The following ABCA3 variants were observed in gnomAD, a reference collection of about 807,000 sequenced individuals.
The protein encoded by ABCA3 is phospholipid-transporting ATPase ABCA3.
Under a neutral mutation model 172.8 loss-of-function variants are expected in ABCA3, and 88 were observed. The observed-to-expected ratio is 0.51, with a 90% CI of 0.43 to 0.61. The LOEUF (loss-of-function observed/expected upper bound fraction) is 0.61, where lower values mean the gene tolerates loss of function less well. Among genes scored for constraint, ABCA3 ranks in the 20% least tolerant of loss-of-function variants. The pLI is 0.00. For missense variants in ABCA3, 2,164 were observed against 2,301.0 expected (o/e 0.94, Z 1.22); for synonymous variants, 1,066 against 983.8 (o/e 1.08, Z -1.56).
intron 28 of ABCA3, among the ~76,000 whole-genome samples, chr16:2,280,348 A>C (rs1448062470): frequency 2.0e-5 from 3 of 152,164 alleles, no homozygotes; most frequent in Non-Finnish European, 4.4e-5. Context: ...GCTTCCAGCC[A>C]TGGTACCATC....
chr16:2,305,880 T>TTTAATGGAGCTCGTG (rs1330499547), intron 11 of ABCA3, among the ~76,000 whole-genome samples: 1 of 152,122 alleles, frequency 6.6e-6, no homozygotes, highest in Non-Finnish European at 1.5e-5. Flanking sequence ...TAAAGCTCTC[T>TTTAATGGAGCTCGTG]TTAATGGAGC....
chr16:2,308,428 G>T (rs777945776), intron 11 of ABCA3, 22 bp downstream of exon 11: 12 of 1,613,852 alleles, frequency 7.4e-6, no homozygotes, highest in Non-Finnish European at 8.5e-6. Context: ...GAAAGAACAG[G>T]CTGGACAAGG....
At chr16:2,310,801 G>A (rs2093705533) in intron 10 of ABCA3, among the ~76,000 whole-genome samples, 1 of 152,058 alleles carries the variant, frequency 6.6e-6, no homozygotes, top group African/African-American at 2.4e-5. Flanking sequence ...GATTAGAGAT[G>A]TGAGTCACTT....
chr16:2,281,268 A>G lies in ABCA3; in HGVS notation c.4165-47T>C. 1 of 1,613,204 alleles carries G rather than the reference A, an allele frequency of 6.2e-7. No individual in the cohort carries two copies. The highest frequency in any genetic ancestry group is 8.5e-7 in the Non-Finnish European group (1 of 1,179,870). On this transcript the variant is annotated intron_variant, in intron 27 of 32. Coordinates refer to ENST00000301732, the MANE Select transcript of ABCA3 (RefSeq NM_001089.3). The surrounding 1 kb of genome is among the most constrained non-coding windows in gnomAD (Gnocchi z 4.7). ...CACGGAATGCGGAGGCCTGGACGCA[A>G]AGCAGAGCAGTCTGAGCCTCAGCGC...
rs749428001 is a variant in ABCA3, at chr16:2,277,596, C to G, written c.4983+1G>C. ...CAGTGGGGCCCCAGGGACTGCCTCA[C>G]CTTCGCCCAGCTGAGGTCACGGCCC... is the stretch of plus-strand genomic sequence containing the variant. On this transcript the variant is annotated splice_donor_variant, in intron 32 of 32. Coordinates refer to ENST00000301732, the MANE Select transcript of ABCA3 (RefSeq NM_001089.3). LOFTEE classifies it high-confidence loss of function. The surrounding 1 kb of genome is among the most constrained non-coding windows in gnomAD (Gnocchi z 5.3). The G allele has an allele frequency of 6.2e-7, 1 of 1,613,038 alleles. No homozygotes were observed. Among genetic ancestry groups the G allele is most frequent in the South Asian group, 1.1e-5 (1 of 91,068 alleles).
rs1040544649 is a variant in ABCA3 at position 2,327,408 on chromosome 16, G to T, written c.-26-916C>A. Among the ~76,000 whole-genome samples, 41 of 152,188 alleles carry T rather than the reference G, an allele frequency of 2.7e-4. 1 individual carries two copies. The highest frequency in any genetic ancestry group is 5.1e-4 in the Non-Finnish European group (35 of 68,028). ...TGCTATTTATTACCAAAATATTCAG[G>T]CTTATGGAATTCCACTTACTGACTG... On this transcript the variant is annotated intron_variant, in intron 3 of 32. Transcript: ENST00000301732.
intron 10 of ABCA3, among the ~76,000 whole-genome samples, chr16:2,310,143 T>C (rs1364201743): frequency 6.6e-6 from 1 of 151,978 alleles, no homozygotes; most frequent in Admixed American, 6.6e-5. Context: ...TGGTGGCTCA[T>C]GCCTGTAATC....
At position 2,285,920 on chromosome 16, in the gene ABCA3, C is replaced by T. The variant is rs1227795570; in HGVS notation, c.3279-274G>A. ...CAGCCCTCAGCCCCACGGCTGCCGG[C>T]GACCTTGCCCAGGTGTGGAGGTCCC... On this transcript the variant is annotated intron_variant, in intron 22 of 32. Coordinates refer to ENST00000301732, the MANE Select transcript of ABCA3 (RefSeq NM_001089.3). This position sits in a 1 kb window ranked among gnomAD's most constrained non-coding sequence, Gnocchi z 4.7. 1.3e-5 allele frequency among the ~76,000 whole-genome samples: 2 copies of T among 152,232 alleles called. No homozygotes were observed. Among genetic ancestry groups the T allele is most frequent in the Non-Finnish European group, 2.9e-5 (2 of 68,042 alleles).
intron 17 of ABCA3, 66 bp from the exon 18 acceptor site, chr16:2,295,806 G>A (rs779911035): frequency 8.7e-6 from 14 of 1,607,752 alleles, no homozygotes; most frequent in East Asian, 4.5e-5. Context: ...CCCACCCCGG[G>A]GTCTCTAGGG....
In ABCA3 at chr16:2,276,168, C is replaced by G; in HGVS notation, c.*506G>C. On this transcript the variant is annotated 3_prime_UTR_variant, in exon 33 of 33. Coordinates refer to ENST00000301732, the MANE Select transcript of ABCA3 (RefSeq NM_001089.3). ...TGCGCTGGACGCTAAGACCCCAGCA[C>G]CTAATCACAGTCAGCAGCTTCCCTC... 1 of 381,266 alleles carries G rather than the reference C, an allele frequency of 2.6e-6. No individual in the cohort carries two copies. Among genetic ancestry groups the G allele is most frequent in the Admixed American group, 3.0e-5 (1 of 33,102 alleles). 23.6% of individuals were successfully genotyped at this position (381,266 alleles called of 1,614,324 possible).
rs1394885333 is a variant in ABCA3 at position 2,297,673 on chromosome 16, G to A, written c.2052+93C>T. ...CAAGGATGGTGATGGCCTTGTCTGG[G>A]GTGTCAAGGGCCAAGGTGCCCGGGC... On this transcript the variant is annotated intron_variant, in intron 16 of 32. Coordinates refer to ENST00000301732, the MANE Select transcript of ABCA3 (RefSeq NM_001089.3). The surrounding 1 kb of genome is among the most constrained non-coding windows in gnomAD (Gnocchi z 5.6). 1.3e-6 allele frequency: 2 copies of A among 1,590,584 alleles called. No homozygotes were observed. Among genetic ancestry groups the A allele is most frequent in the Admixed American group, 3.4e-5 (2 of 59,298 alleles).
intron 20 of ABCA3, among the ~76,000 whole-genome samples, chr16:2,288,717 G>A (rs2093667104): frequency 6.6e-6 from 1 of 152,094 alleles, no homozygotes; most frequent in Admixed American, 6.6e-5. Flanking sequence ...ACTAATTTTT[G>A]TATTTTTAGT....
chr16:2,317,636 C>T lies in ABCA3; in HGVS notation c.990+12G>A, dbSNP rs370738337. 32 of 1,613,818 alleles carry T rather than the reference C, an allele frequency of 2.0e-5. No homozygotes were observed. The highest frequency in any genetic ancestry group is 1.2e-4 in the Admixed American group (7 of 60,032). On this transcript the variant is annotated intron_variant, in intron 9 of 32. Transcript: ENST00000301732. Reference sequence around the variant, plus strand: ...CCCGTCCTCACCAGAGCCCCACCGACGCCATGCTCACCTTGACACAGAAGA... The same window carrying T: ...CCCGTCCTCACCAGAGCCCCACCGATGCCATGCTCACCTTGACACAGAAGA...
At position 2,284,380 on chromosome 16, in the gene ABCA3, T is replaced by C. The variant is rs1207025107; in HGVS notation, c.3761A>G (p.Asn1254Ser). ...GCTGACTGCCATCCCCAGACAGTGG[T>C]TGGGCAGCACCAGGAACACGTGATC... ...TLDHVFLVLPNHCLGMAVSSF... is the reference protein window; with the variant it reads ...TLDHVFLVLPSHCLGMAVSSF... Residue 1254 changes from asparagine to serine, a missense_variant, in exon 25 of 33, where the codon AAC (asparagine) becomes AGC (serine). Around this residue, in one of 3 missense-constraint regions of ABCA3, gnomAD observed 795 missense variants for 881.9 expected, o/e 0.90. Coordinates refer to ENST00000301732, the MANE Select transcript of ABCA3 (RefSeq NM_001089.3). The surrounding 1 kb of genome is among the most constrained non-coding windows in gnomAD (Gnocchi z 5.9). 2.4e-5 allele frequency: 39 copies of C among 1,613,818 alleles called. No individual in the cohort carries two copies. Among genetic ancestry groups the C allele is most frequent in the Non-Finnish European group, 3.1e-5 (37 of 1,179,988 alleles).
chr16:2,310,337 G>C (rs533015421), intron 10 of ABCA3, among the ~76,000 whole-genome samples: 1 of 151,956 alleles, frequency 6.6e-6, no homozygotes, highest in East Asian at 1.9e-4. Context: ...GAACCCGGGA[G>C]GTGGAGGTTG....
At chr16:2,333,932 C>A (rs148609122) in intron 1 of ABCA3, among the ~76,000 whole-genome samples, 2 of 152,052 alleles carry the variant, frequency 1.3e-5, no homozygotes, top group South Asian at 2.1e-4. Flanking sequence ...TTGTGATCCA[C>A]CCGCCTCAGC....
chr16:2,311,007 C>T (rs1158041283), intron 10 of ABCA3, among the ~76,000 whole-genome samples: 1 of 151,710 alleles, frequency 6.6e-6, no homozygotes, highest in Non-Finnish European at 1.5e-5. Context: ...TGGAGTCTCG[C>T]TCTGTCACCA....
chr16:2,282,489 A>G (rs1047122362), intron 26 of ABCA3, among the ~76,000 whole-genome samples: 1 of 152,230 alleles, frequency 6.6e-6, no homozygotes, highest in African/African-American at 2.4e-5. Context: ...CTGTATGTGC[A>G]ATGCAATGTC....
At chr16:2,317,610 C>G (rs372929003) in intron 9 of ABCA3, 38 bp downstream of exon 9, 1 of 1,609,570 alleles carries the variant, frequency 6.2e-7, no homozygotes, top group Non-Finnish European at 8.5e-7. Context: ...CCCTGGCTCT[C>G]CCCGTCCTCA....
Sources: allele counts gnomAD v4.1 joint callset (sites outside exome capture counted in the v4.1 genomes callset), GRCh38; gene constraint gnomAD v4.1.1; regional missense constraint gnomAD v4.1.1; non-coding constraint Gnocchi (gnomAD v3.1); transcripts MANE v1.5; gene names NCBI Gene and HGNC (gene_info 2026-07-23, HGNC 2026-07-21).